SLC24A3: variants seen among roughly 807,000 people sequenced by gnomAD.
SLC24A3 encodes the protein sodium/potassium/calcium exchanger 3.
SLC24A3 carries 28 observed loss-of-function variants against 75.8 expected under a neutral mutation model. That is an observed-to-expected ratio of 0.37 (90% CI 0.27 to 0.51). The LOEUF (loss-of-function observed/expected upper bound fraction) is 0.51. Among genes scored for constraint, SLC24A3 ranks in the 20% least tolerant of loss-of-function variants. The pLI is 0.94. For missense variants in SLC24A3, 663 were observed against 847.8 expected (o/e 0.78, Z 2.71); for synonymous variants, 372 against 334.1 (o/e 1.11, Z -1.24).
Position 19,685,306 on chromosome 20 carries a change from G to A in SLC24A3, c.1269G>A (p.Glu423=). 6.2e-7 allele frequency: 1 copy of A among 1,614,054 alleles called. No individual in the cohort carries two copies. The highest frequency in any genetic ancestry group is 8.5e-7 in the Non-Finnish European group (1 of 1,179,990). Residue 423 remains glutamate (E), a synonymous_variant, in exon 12 of 17, where the codon GAG becomes GAA. Transcript: ENST00000328041. ...ATGAGGACAATGAGAATGATGAGGA[G>A]GAAGAGGAGGACGAGGATGATGATG... ...NENEDNENDE[E]EEEDEDDDEG...
chr20:19,508,203 G>A (rs747837748), intron 2 of SLC24A3, among the ~76,000 whole-genome samples: 36 of 152,294 alleles, frequency 2.4e-4, no homozygotes, highest in Admixed American at 3.9e-4. Flanking sequence ...ATGAAAGCAC[G>A]TGAAACAGAA....
At chr20:19,487,009 CT>C (rs1988136464) in intron 2 of SLC24A3, among the ~76,000 whole-genome samples, 3 of 152,218 alleles carry the variant, frequency 2.0e-5, no homozygotes, top group Admixed American at 6.5e-5. Context: ...GGATTGGATT[CT>C]GGTTCCAGGT....
At chr20:19,397,632 C>CT (rs73617286) in intron 2 of SLC24A3, among the ~76,000 whole-genome samples, 1,413 of 130,752 alleles carry the variant, frequency 0.011, 23 homozygotes, top group African/African-American at 0.036. Flanking sequence ...AAAGGTTGTG[C>CT]TTTTTTTTTC....
intron 2 of SLC24A3, among the ~76,000 whole-genome samples, chr20:19,512,083 A>T (rs1176911353): frequency 6.6e-6 from 1 of 152,160 alleles, no homozygotes; most frequent in Non-Finnish European, 1.5e-5. Flanking sequence ...GGAGGCTCTC[A>T]TTGCCCCATG....
At chr20:19,243,776 C>T (rs1185013462) in intron 1 of SLC24A3, 2 of 152,418 alleles carry the variant, frequency 1.3e-5, no homozygotes, top group Admixed American at 6.5e-5. Context: ...CTTCTTCTTT[C>T]CTCCCCTTGG....
chr20:19,658,661 C>T (rs1007350932), intron 7 of SLC24A3, among the ~76,000 whole-genome samples: 1 of 152,174 alleles, frequency 6.6e-6, no homozygotes, highest in Non-Finnish European at 1.5e-5. Flanking sequence ...ATCTGGCCAG[C>T]GGTGGAGAGG....
chr20:19,559,558 A>G (rs146532964), intron 3 of SLC24A3, among the ~76,000 whole-genome samples: 1 of 152,184 alleles, frequency 6.6e-6, no homozygotes, highest in Non-Finnish European at 1.5e-5. Context: ...GTAATAAATC[A>G]TTGTGTAACC....
chr20:19,325,019 C>CTT (rs11340561), intron 2 of SLC24A3, among the ~76,000 whole-genome samples: 4 of 129,154 alleles, frequency 3.1e-5, no homozygotes, highest in East Asian at 2.2e-4. Context: ...ATGGTAGAGC[C>CTT]TTTTTTTTTT....
intron 3 of SLC24A3, among the ~76,000 whole-genome samples, chr20:19,531,685 A>AACCAGT (rs753984025): frequency 3.3e-5 from 5 of 152,228 alleles, no homozygotes; most frequent in Admixed American, 6.5e-5. Flanking sequence ...GAGCTTTGGA[A>AACCAGT]ACCAGTGATG....
intron 2 of SLC24A3, among the ~76,000 whole-genome samples, chr20:19,463,059 A>G (rs953596999): frequency 1.9e-4 from 29 of 152,130 alleles, no homozygotes; most frequent in Admixed American, 7.2e-4. Context: ...AAGGACTTCT[A>G]TGTAAGTTTC....
At chr20:19,373,868 C>A (rs942998576) in intron 2 of SLC24A3, among the ~76,000 whole-genome samples, 2 of 152,092 alleles carry the variant, frequency 1.3e-5, no homozygotes, top group African/African-American at 4.8e-5. Context: ...GCGGTGGGAG[C>A]AGGGTGGGCA....
intron 2 of SLC24A3, among the ~76,000 whole-genome samples, chr20:19,361,012 A>G (rs1007720454): frequency 6.6e-6 from 1 of 152,134 alleles, no homozygotes; most frequent in Non-Finnish European, 1.5e-5. Context: ...TATTTTTAGT[A>G]GAGACGGGAT....
intron 1 of SLC24A3, among the ~76,000 whole-genome samples, chr20:19,223,685 TC>T (rs1324757340): frequency 6.6e-6 from 1 of 151,468 alleles, no homozygotes; most frequent in East Asian, 1.9e-4. Flanking sequence ...TCCTTCTCTC[TC>T]AAAATATCTT....
At chr20:19,491,562 A>G (rs1247219814) in intron 2 of SLC24A3, among the ~76,000 whole-genome samples, 2 of 152,076 alleles carry the variant, frequency 1.3e-5, no homozygotes, top group Non-Finnish European at 2.9e-5. Context: ...CTGTCACCCC[A>G]GGCACTGAGT....
At chr20:19,350,707 G>A (rs1057434365) in intron 2 of SLC24A3, among the ~76,000 whole-genome samples, 1 of 152,180 alleles carries the variant, frequency 6.6e-6, no homozygotes. Flanking sequence ...GCAGATACTT[G>A]ATATTCTTTT....
At chr20:19,457,039 C>A (rs1242738192) in intron 2 of SLC24A3, among the ~76,000 whole-genome samples, 1 of 152,166 alleles carries the variant, frequency 6.6e-6, no homozygotes. Flanking sequence ...CCTCCGTGAG[C>A]TATCTGATGC....
intron 2 of SLC24A3, among the ~76,000 whole-genome samples, chr20:19,305,675 C>T (rs184528530): frequency 4.5e-4 from 68 of 152,188 alleles, no homozygotes; most frequent in Admixed American, 4.1e-3. Flanking sequence ...ACGCGATAAA[C>T]GGTGCTGGGA....
intron 2 of SLC24A3, among the ~76,000 whole-genome samples, chr20:19,333,753 G>A (rs905600728): frequency 6.6e-6 from 1 of 151,890 alleles, no homozygotes; most frequent in African/African-American, 2.4e-5. Flanking sequence ...GAAAAATGGA[G>A]GGGAAGGAGC....
At position 19,396,172 on chromosome 20, in the gene SLC24A3, G is replaced by A. The variant is rs144253009; in HGVS notation, c.271+115085G>A. Among the ~76,000 whole-genome samples the A allele has an allele frequency of 2.2e-3, 330 of 152,274 alleles. 1 individual carries two copies. The highest frequency in any genetic ancestry group is 6.9e-3 in the African/African-American group (287 of 41,554). On this transcript the variant is annotated intron_variant, in intron 2 of 16. Coordinates refer to ENST00000328041, the MANE Select transcript of SLC24A3 (RefSeq NM_020689.4). ...TTCTAATGGGTATACAAGTTAGCTC[G>A]CAAAGGTTGATGTGCTCTTGCTGTT...
Sources: gnomAD v4.1 joint callset for allele counts (sites outside exome capture counted in the v4.1 genomes callset) on GRCh38, gnomAD v4.1.1 for gene constraint, MANE v1.5 for transcripts, NCBI Gene and HGNC (gene_info 2026-07-23, HGNC 2026-07-21) for gene names.